The following GPC5 variants were observed in gnomAD, a reference collection of about 807,000 sequenced individuals.
The protein encoded by GPC5 is glypican-5.
A neutral mutation model predicts 53.9 loss-of-function variants in GPC5; 47 were observed. The ratio of observed to expected loss-of-function variants is 0.87; its 90% CI spans 0.69 to 1.11. The LOEUF (loss-of-function observed/expected upper bound fraction) is 1.11. Ranked by LOEUF, GPC5 falls within the 50% of genes most tolerant of loss-of-function variation. The pLI is 0.00. For synonymous variants in GPC5, 286 were observed against 263.3 expected (o/e 1.09, Z -0.84); for missense variants, 748 against 713.1 (o/e 1.05, Z -0.56).
intron 7 of GPC5, among the ~76,000 whole-genome samples, chr13:92,385,320 A>G (rs1419110685): frequency 1.5e-5 from 2 of 130,906 alleles, no homozygotes; most frequent in Admixed American, 1.7e-4. Flanking sequence ...CTATATATAT[A>G]CATATATACA....
At chr13:92,577,906 T>G (rs1456682500) in intron 7 of GPC5, among the ~76,000 whole-genome samples, 1 of 152,164 alleles carries the variant, frequency 6.6e-6, no homozygotes, top group Admixed American at 6.5e-5. Context: ...ATTATGTCAT[T>G]TCTGAGTCAA....
intron 7 of GPC5, among the ~76,000 whole-genome samples, chr13:92,151,269 C>T (rs1226482787): frequency 6.6e-6 from 1 of 151,952 alleles, no homozygotes; most frequent in African/African-American, 2.4e-5. Context: ...TATAAATTAC[C>T]TGGGACTCTG....
At chr13:92,542,397 G>C (rs1052079518) in intron 7 of GPC5, among the ~76,000 whole-genome samples, 5 of 151,852 alleles carry the variant, frequency 3.3e-5, no homozygotes, top group African/African-American at 1.2e-4. Flanking sequence ...GCTTTTATGA[G>C]ATCAACATTT....
chr13:92,862,851 A>G (rs2138857093), intron 7 of GPC5, among the ~76,000 whole-genome samples: 1 of 152,292 alleles, frequency 6.6e-6, no homozygotes, highest in South Asian at 2.1e-4. Flanking sequence ...CTCTAAACAT[A>G]CTTGCCTTTC....
intron 7 of GPC5, among the ~76,000 whole-genome samples, chr13:92,822,418 T>C (rs916836390): frequency 5.9e-5 from 9 of 152,064 alleles, no homozygotes; most frequent in Non-Finnish European, 2.9e-5. Context: ...GTGAAGAAAT[T>C]GAAATAAAGA....
intron 6 of GPC5, among the ~76,000 whole-genome samples, chr13:91,977,959 G>GAAAT (rs2040321054): frequency 3.5e-5 from 1 of 28,744 alleles, no homozygotes. Flanking sequence ...AAAGAAAAAA[G>GAAAT]AAAGAAAGAA....
At chr13:92,670,680 G>T (rs1395185805) in intron 7 of GPC5, among the ~76,000 whole-genome samples, 2 of 152,110 alleles carry the variant, frequency 1.3e-5, no homozygotes, top group Non-Finnish European at 2.9e-5. Flanking sequence ...ACAGACCATA[G>T]AATTTTTTTA....
intron 7 of GPC5, among the ~76,000 whole-genome samples, chr13:92,581,996 T>C (rs1594321150): frequency 6.6e-6 from 1 of 152,190 alleles, no homozygotes; most frequent in African/African-American, 2.4e-5. Flanking sequence ...TCATATTCTG[T>C]AGGTTGTCTC....
intron 5 of GPC5, among the ~76,000 whole-genome samples, chr13:91,847,625 A>C (rs2038866973): frequency 6.6e-6 from 1 of 152,224 alleles, no homozygotes; most frequent in African/African-American, 2.4e-5. Flanking sequence ...GATCAAAAGA[A>C]TAATGAGAAA....
chr13:91,843,109 T>C (rs1214531730), intron 5 of GPC5, among the ~76,000 whole-genome samples: 1 of 152,184 alleles, frequency 6.6e-6, no homozygotes, highest in East Asian at 1.9e-4. Context: ...AATTTTAGAA[T>C]TGTATTCTAA....
intron 6 of GPC5, among the ~76,000 whole-genome samples, chr13:92,002,624 C>T (rs1490234845): frequency 6.6e-6 from 1 of 151,966 alleles, no homozygotes; most frequent in Non-Finnish European, 1.5e-5. Flanking sequence ...ATAGTAAAAA[C>T]GTATGCAAAG....
chr13:92,220,799 A>G (rs1046448677), intron 7 of GPC5, among the ~76,000 whole-genome samples: 1 of 152,034 alleles, frequency 6.6e-6, no homozygotes, highest in African/African-American at 2.4e-5. Context: ...CTTTCTTTTC[A>G]TGTCTGGTAA....
rs537078732 is a variant in GPC5 at position 92,216,159 on chromosome 13, C to T, written c.1561+71170C>T. Among the ~76,000 whole-genome samples, 16 of 152,322 alleles carry T rather than the reference C, an allele frequency of 1.1e-4. No individual in the cohort carries two copies. In the South Asian group the frequency reaches 2.9e-3, roughly 28 times the overall value. The stretch of plus-strand genomic sequence containing the variant: ...TTTAGCCTAAGTCCTTACAGTTATC[C>T]TCCACTGTCACTGGTGAAAACTTGC... On this transcript the variant is annotated intron_variant, in intron 7 of 7. Transcript: ENST00000377067.
In GPC5 at chr13:91,923,789, A is replaced by T. The variant is rs2039740563; in HGVS notation, c.1401+15732A>T. Among the ~76,000 whole-genome samples, 4 of 152,284 alleles carry T rather than the reference A, an allele frequency of 2.6e-5. No homozygotes were observed. In the South Asian group the frequency reaches 8.3e-4, roughly 32 times the overall value. On this transcript the variant is annotated intron_variant, in intron 6 of 7. Coordinates refer to ENST00000377067, the MANE Select transcript of GPC5 (RefSeq NM_004466.6). ...TATTATCAAACCAGGCCTGAAACTT[A>T]TTAAACAGATGGTAAAATCTAATTC...
intron 7 of GPC5, among the ~76,000 whole-genome samples, chr13:92,345,260 A>G (rs1013893146): frequency 5.3e-5 from 8 of 152,222 alleles, no homozygotes; most frequent in African/African-American, 1.9e-4. Context: ...AGGAAGAACT[A>G]TGTGAAAAGT....
At chr13:91,689,197 A>G (rs1306490533) in intron 2 of GPC5, among the ~76,000 whole-genome samples, 1 of 102,024 alleles carries the variant, frequency 9.8e-6, no homozygotes, top group Non-Finnish European at 1.9e-5. Context: ...ATATATATAT[A>G]TATATATATA....
chr13:92,444,070 C>T (rs968390234), intron 7 of GPC5, among the ~76,000 whole-genome samples: 1 of 152,044 alleles, frequency 6.6e-6, no homozygotes, highest in Admixed American at 6.6e-5. Flanking sequence ...GGAGTTTGGT[C>T]GACCTGCCGT....
chr13:92,311,595 A>T (rs1489810732), intron 7 of GPC5, among the ~76,000 whole-genome samples: 1 of 152,170 alleles, frequency 6.6e-6, no homozygotes, highest in Non-Finnish European at 1.5e-5. Context: ...GCAGGAGGTA[A>T]AGAACAAACA....
At chr13:92,025,256 G>A (rs1219345076) in intron 6 of GPC5, among the ~76,000 whole-genome samples, 3 of 151,238 alleles carry the variant, frequency 2.0e-5, no homozygotes, top group South Asian at 2.1e-4. Context: ...CTTTTCCCAA[G>A]ACTACACAGA....
Sources: allele counts gnomAD v4.1 joint callset (sites outside exome capture counted in the v4.1 genomes callset), GRCh38; gene constraint gnomAD v4.1.1; transcripts MANE v1.5; gene names NCBI Gene and HGNC (gene_info 2026-07-23, HGNC 2026-07-21).